The following GAB1 variants were observed in gnomAD, a reference collection of about 807,000 sequenced individuals.
GAB1 encodes the protein GRB2-associated-binding protein 1.
Under a neutral mutation model 66.5 loss-of-function variants are expected in GAB1, and 19 were observed. The ratio of observed to expected loss-of-function variants is 0.29; its 90% CI spans 0.20 to 0.42. The LOEUF (loss-of-function observed/expected upper bound fraction) is 0.42, where lower values mean the gene tolerates loss of function less well. Among genes scored for constraint, GAB1 ranks in the 10% least tolerant of loss-of-function variants. The pLI, the probability that GAB1 is intolerant of heterozygous loss-of-function variation, is 1.00. For synonymous variants in GAB1, 294 were observed against 301.4 expected (o/e 0.98, Z 0.25); for missense variants, 732 against 858.5 (o/e 0.85, Z 1.84).
At chr4:143,444,324 C>T (rs1389607934) in intron 6 of GAB1, among the ~76,000 whole-genome samples, 3 of 152,140 alleles carry the variant, frequency 2.0e-5, no homozygotes, top group Admixed American at 6.5e-5. Context: ...TGTCCATTCA[C>T]GCCTTTCTGC....
intron 2 of GAB1, among the ~76,000 whole-genome samples, chr4:143,431,314 T>G (rs373941081): frequency 1.8e-4 from 28 of 152,014 alleles, no homozygotes; most frequent in African/African-American, 6.5e-4. Context: ...AAAACAGAGG[T>G]CTCTCCCCTC....
In GAB1 at chr4:143,337,259, A is replaced by C. The variant is rs200986459; in HGVS notation, c.71A>C (p.Tyr24Ser). The change falls in exon 1 of 10, where the codon TAT becomes TCT. Residue 24 changes from tyrosine (Y) to serine (S), a missense_variant and splice_region_variant. This residue lies in a region of GAB1 where 35 missense variants were observed against 30.8 expected (regional missense o/e 1.13). Transcript: ENST00000262994. ...CCCCCGGAGAAAAAGTTGAAGCGTTATGTAAGTAGAGCTGCGGGCACCACT... is the reference window on the plus strand; with the variant it reads ...CCCCCGGAGAAAAAGTTGAAGCGTTCTGTAAGTAGAGCTGCGGGCACCACT... ...KSPPEKKLKR[Y>S]AWKRRWFVLR... 3.2e-6 allele frequency: 5 copies of C among 1,575,408 alleles called. No individual in the cohort carries two copies. Among genetic ancestry groups the C allele is most frequent in the Admixed American group, 1.9e-5 (1 of 53,436 alleles).
At chr4:143,366,345 T>G (rs61440746) in intron 1 of GAB1, among the ~76,000 whole-genome samples, 4,297 of 152,286 alleles carry the variant, frequency 0.028, 208 homozygotes, top group African/African-American at 0.099. Context: ...TCTAAATTTG[T>G]TGTTATTTAT....
chr4:143,382,256 G>A (rs919812162), intron 1 of GAB1, among the ~76,000 whole-genome samples: 1 of 152,110 alleles, frequency 6.6e-6, no homozygotes, highest in Non-Finnish European at 1.5e-5. Context: ...TTTAAGGCAG[G>A]TAGAATTTCT....
intron 6 of GAB1, among the ~76,000 whole-genome samples, chr4:143,445,964 C>A: frequency 6.6e-6 from 1 of 152,060 alleles, no homozygotes; most frequent in Non-Finnish European, 1.5e-5. Context: ...CCACAACAGT[C>A]CCCAGAGTGT....
At chr4:143,367,199 G>T (rs373676520) in intron 1 of GAB1, among the ~76,000 whole-genome samples, 1 of 152,260 alleles carries the variant, frequency 6.6e-6, no homozygotes, top group East Asian at 1.9e-4. Flanking sequence ...ACAAAACTTT[G>T]TCTCAGGAAT....
At chr4:143,406,512 A>G (rs1424993199) in intron 1 of GAB1, among the ~76,000 whole-genome samples, 1 of 152,254 alleles carries the variant, frequency 6.6e-6, no homozygotes, top group East Asian at 1.9e-4. Flanking sequence ...GCCAGATTGC[A>G]TGTAAACTCC....
At chr4:143,415,130 T>C (rs370242904) in intron 1 of GAB1, among the ~76,000 whole-genome samples, 21 of 152,374 alleles carry the variant, frequency 1.4e-4, no homozygotes, top group African/African-American at 4.8e-4. Flanking sequence ...AGCTTCATTC[T>C]TTTGCGTATG....
chr4:143,433,059 C>G (rs866643248), intron 2 of GAB1, among the ~76,000 whole-genome samples: 4 of 152,182 alleles, frequency 2.6e-5, no homozygotes, highest in Admixed American at 2.0e-4. Context: ...GGGTAAAGAG[C>G]TGGCCCTGGT....
intron 1 of GAB1, among the ~76,000 whole-genome samples, chr4:143,354,438 G>A (rs1177442172): frequency 1.3e-5 from 2 of 151,848 alleles, no homozygotes; most frequent in Non-Finnish European, 2.9e-5. Context: ...CTATCCAAAT[G>A]CAACATTGAG....
chr4:143,357,780 T>C (rs1295348791), intron 1 of GAB1, among the ~76,000 whole-genome samples: 2 of 152,110 alleles, frequency 1.3e-5, no homozygotes, highest in African/African-American at 4.8e-5. Context: ...TTAGTAGTAT[T>C]TCCAGGAAAT....
intron 1 of GAB1, among the ~76,000 whole-genome samples, chr4:143,346,580 T>C (rs1728997890): frequency 6.6e-6 from 1 of 152,238 alleles, no homozygotes; most frequent in African/African-American, 2.4e-5. Context: ...CTTCAGCGTT[T>C]TGAATTCCAG....
rs1669471351 is a variant in GAB1, at chr4:143,473,850, C to G, written c.*4661C>G. ...TTGCAACTCTGACTCTTCACTGAAT[C>G]ATATTTGGGAAGTTTGGGTAGGGTG... On this transcript the variant is annotated 3_prime_UTR_variant, in exon 10 of 10. Transcript: ENST00000262994. 1 of 152,188 alleles carries G rather than the reference C, an allele frequency of 6.6e-6. No individual in the cohort carries two copies. Among genetic ancestry groups the G allele is most frequent in the African/African-American group, 2.4e-5 (1 of 41,434 alleles). The allele number at this position is 152,188 out of a possible 1,614,324, so 9.4% of individuals were successfully genotyped here. A position where few individuals can be genotyped will look rare whatever the true frequency, so the allele number is the denominator to read the frequency against.
chr4:143,364,627 A>G (rs1267475365), intron 1 of GAB1, among the ~76,000 whole-genome samples: 4 of 152,312 alleles, frequency 2.6e-5, no homozygotes, highest in Admixed American at 2.0e-4. Flanking sequence ...TTTTCCTGAC[A>G]TAGGTGCAGC....
Position 143,369,504 on chromosome 4 carries a change from T to C in GAB1, c.72+32244T>C, listed in dbSNP as rs574864137. On this transcript the variant is annotated intron_variant, in intron 1 of 9. Coordinates refer to ENST00000262994, the MANE Select transcript of GAB1 (RefSeq NM_002039.4). ...AAAAAATCAATGCAGGATGAAAATA[T>C]CCTGTTGCTCTAGTAATTCCCACAG... is the stretch of plus-strand genomic sequence containing the variant. 7.9e-5 allele frequency among the ~76,000 whole-genome samples: 12 copies of C among 152,370 alleles called. No homozygotes were observed. The South Asian group carries it at 2.5e-3, about 32-fold the overall frequency.
At chr4:143,430,527 T>C (rs1488797249) in intron 2 of GAB1, among the ~76,000 whole-genome samples, 1 of 152,208 alleles carries the variant, frequency 6.6e-6, no homozygotes. Context: ...AAGCCAGGTG[T>C]CAGCAAAGAC....
chr4:143,365,331 A>T (rs915362615), intron 1 of GAB1, among the ~76,000 whole-genome samples: 2 of 152,074 alleles, frequency 1.3e-5, no homozygotes, highest in Non-Finnish European at 2.9e-5. Flanking sequence ...CCTCATCCCC[A>T]TTCTCTTTTC....
rs1395109018 is a variant in GAB1, at chr4:143,460,453, T to A, written c.1769T>A (p.Val590Asp). 3 of 1,613,922 alleles carry A rather than the reference T, an allele frequency of 1.9e-6. No homozygotes were observed. The highest frequency in any genetic ancestry group is 2.5e-6 in the Non-Finnish European group (3 of 1,179,810). The change falls in exon 8 of 10, where the codon GTT becomes GAT. Residue 590 changes from valine to aspartate, a missense_variant. Coordinates refer to ENST00000262994, the MANE Select transcript of GAB1 (RefSeq NM_002039.4). The stretch of plus-strand genomic sequence containing the variant: ...TCACACGACAGTGAAGAGAATTATG[T>A]TCCCATGAACCCAAACCTGTCCAGT... The part of the protein sequence containing the change: ...SDSHDSEENY[V>D]PMNPNLSSED...
chr4:143,433,835 T>C, intron 3 of GAB1, 119 bp downstream of exon 3: 1 of 762,196 alleles, frequency 1.3e-6, no homozygotes, highest in East Asian at 2.7e-5. Context: ...AGACCATCTG[T>C]ATAGGCATAT....
Sources: gnomAD v4.1 joint callset for allele counts (sites outside exome capture counted in the v4.1 genomes callset) on GRCh38, gnomAD v4.1.1 for gene constraint, gnomAD v4.1.1 regional missense constraint, MANE v1.5 for transcripts, NCBI Gene and HGNC (gene_info 2026-07-23, HGNC 2026-07-21) for gene names.